SEC24A: variants seen among roughly 807,000 people sequenced by gnomAD.
The protein encoded by SEC24A is SEC24 homolog A, COPII component, also known as protein transport protein Sec24A.
A neutral mutation model predicts 129.4 loss-of-function variants in SEC24A; 93 were observed. That is an observed-to-expected ratio of 0.72 (90% confidence interval 0.61 to 0.85). The LOEUF (loss-of-function observed/expected upper bound fraction) is 0.85, where lower values mean the gene tolerates loss of function less well. Among genes scored for constraint, SEC24A ranks in the 40% least tolerant of loss-of-function variants. SEC24A has a pLI of 0.00. For synonymous variants in SEC24A, 460 were observed against 467.3 expected, an observed-to-expected ratio of 0.98 and a Z score of 0.20; for missense variants, 1,264 against 1,307.4, an observed-to-expected ratio of 0.97 and a Z score of 0.51.
In SEC24A at chr5:134,666,895, C is replaced by T. The variant is rs753616652; in HGVS notation, c.638C>T (p.Pro213Leu). 3 of 1,614,014 alleles carry T rather than the reference C, an allele frequency of 1.9e-6. No homozygotes were observed. The highest frequency in any genetic ancestry group is 2.5e-6 in the Non-Finnish European group (3 of 1,179,898). ...CAACCAGGAGCTCCTCATGGGCCCCCTCCAGCTGGAGGCCCACCCCCAGTG... is the reference window on the plus strand; with the variant it reads ...CAACCAGGAGCTCCTCATGGGCCCCTTCCAGCTGGAGGCCCACCCCCAGTG... ...TFQPGAPHGP[P>L]PAGGPPPVRA... The change falls in exon 3 of 23, where the codon CCT (proline) becomes CTT (leucine). Residue 213 changes from proline (P) to leucine (L), a missense_variant. By Grantham distance (98) the Pro-to-Leu change is moderately conservative. Transcript: ENST00000398844.
intron 1 of SEC24A, among the ~76,000 whole-genome samples, chr5:134,651,460 A>G (rs1211903613): frequency 2.7e-5 from 4 of 150,504 alleles, no homozygotes; most frequent in African/African-American, 9.7e-5. Context: ...ACAACCGGCT[A>G]ATTTTTGTAT....
At chr5:134,668,402 A>G (rs1171342585) in intron 3 of SEC24A, among the ~76,000 whole-genome samples, 1 of 152,122 alleles carries the variant, frequency 6.6e-6, no homozygotes, top group Non-Finnish European at 1.5e-5. Context: ...CAGCCTGACC[A>G]AGGTGGTGAA....
chr5:134,705,605 TTTTG>T (rs1023983660), intron 17 of SEC24A, among the ~76,000 whole-genome samples, 168 bp downstream of exon 17: 72 of 152,200 alleles, frequency 4.7e-4, no homozygotes, highest in African/African-American at 1.5e-3. Flanking sequence ...ATCTTATCTT[TTTTG>T]TTTGTTTATT....
intron 18 of SEC24A, among the ~76,000 whole-genome samples, chr5:134,713,900 G>GGT (rs1466498920): frequency 6.6e-6 from 1 of 151,652 alleles, no homozygotes; most frequent in Non-Finnish European, 1.5e-5. Flanking sequence ...AAATTAGCCG[G>GGT]GTGTGGTGTC....
Position 134,693,775 on chromosome 5 carries a change from C to G in SEC24A, c.1828C>G (p.Leu610Val), listed in dbSNP as rs773069683. ...TTTGCCACAAATGTTTACCAAGACTCTGGAGACCCAGAGTGCCTTGGGTCC... is the reference window on the plus strand; with the variant it reads ...TTTGCCACAAATGTTTACCAAGACTGTGGAGACCCAGAGTGCCTTGGGTCC... ...KTLPQMFTKTLETQSALGPAL... is the reference protein window; with the variant it reads ...KTLPQMFTKTVETQSALGPAL... The change falls in exon 13 of 23, where the codon CTG becomes GTG. Residue 610 changes from leucine (L) to valine (V), a missense_variant. Physicochemically the swap from Leu to Val is conservative, Grantham distance 32. Coordinates refer to ENST00000398844, the MANE Select transcript of SEC24A (RefSeq NM_021982.3). 5 of 1,614,198 alleles carry G rather than the reference C, an allele frequency of 3.1e-6. No homozygotes were observed. The highest frequency in any genetic ancestry group is 3.4e-6 in the Non-Finnish European group (4 of 1,180,036).
At chr5:134,706,256 A>G (rs150137874) in intron 17 of SEC24A, among the ~76,000 whole-genome samples, 183 of 152,300 alleles carry the variant, frequency 1.2e-3, no homozygotes, top group African/African-American at 4.1e-3. Flanking sequence ...AGTGTACCAT[A>G]AAGATCATTA....
At chr5:134,707,331 A>AT (rs1580732265) in intron 17 of SEC24A, among the ~76,000 whole-genome samples, 1 of 150,818 alleles carries the variant, frequency 6.6e-6, no homozygotes, top group South Asian at 2.1e-4. Flanking sequence ...TATTTTATTT[A>AT]TTTATTTTTT....
At chr5:134,669,105 C>T (rs1750766308) in intron 3 of SEC24A, among the ~76,000 whole-genome samples, 1 of 151,570 alleles carries the variant, frequency 6.6e-6, no homozygotes, top group Non-Finnish European at 1.5e-5. Flanking sequence ...GAGGCATTGT[C>T]TCATTGGTTG....
chr5:134,652,028 TCTC>T (rs1750073737), intron 1 of SEC24A, among the ~76,000 whole-genome samples: 1 of 151,432 alleles, frequency 6.6e-6, no homozygotes, highest in African/African-American at 2.4e-5. Flanking sequence ...TTCAAGCAAT[TCTC>T]CTGCCTCAGC....
chr5:134,671,634 T>TTACTTGA (rs770617062), intron 3 of SEC24A, among the ~76,000 whole-genome samples, 175 bp from the exon 4 acceptor site: 2 of 152,224 alleles, frequency 1.3e-5, no homozygotes, highest in Non-Finnish European at 2.9e-5. Context: ...TGCAGCTAAA[T>TTACTTGA]TACTTGAAAC....
intron 1 of SEC24A, among the ~76,000 whole-genome samples, chr5:134,660,540 G>C (rs978207152): frequency 6.6e-6 from 1 of 150,428 alleles, no homozygotes; most frequent in Non-Finnish European, 1.5e-5. Context: ...AGACATCTCT[G>C]TATTCCCTCT....
At chr5:134,691,105 G>A (rs1238902165) in intron 11 of SEC24A, among the ~76,000 whole-genome samples, 9 of 151,478 alleles carry the variant, frequency 5.9e-5, no homozygotes, top group Non-Finnish European at 1.2e-4. Context: ...TGCCCACCTC[G>A]GCCTCCCAAA....
intron 21 of SEC24A, among the ~76,000 whole-genome samples, chr5:134,722,039 G>A (rs888169099): frequency 1.3e-5 from 2 of 152,172 alleles, no homozygotes; most frequent in African/African-American, 4.8e-5. Context: ...AATTCTTGAC[G>A]TCATGCTAAA....
rs1029110822 is a variant in SEC24A, at chr5:134,679,526, A to C, written c.1255-76A>C. On this transcript the variant is annotated intron_variant, in intron 7 of 22. Coordinates refer to ENST00000398844, the MANE Select transcript of SEC24A (RefSeq NM_021982.3). The stretch of plus-strand genomic sequence containing the variant: ...ATAATATCCCAACAGTTATTTAGAC[A>C]GGATGGATTCATGCTTATGTTTTCA... The C allele has an allele frequency of 4.7e-5, 48 of 1,014,956 alleles. No homozygotes were observed. In the African/African-American group the frequency reaches 6.6e-4, roughly 14 times the overall value. 62.9% of individuals were successfully genotyped at this position (1,014,956 alleles called of 1,614,324 possible). A position where few individuals can be genotyped will look rare whatever the true frequency, so the allele number is the denominator to read the frequency against.
intron 1 of SEC24A, among the ~76,000 whole-genome samples, chr5:134,657,188 A>G (rs1750279857): frequency 2.7e-5 from 4 of 150,906 alleles, no homozygotes; most frequent in Admixed American, 6.6e-5. Context: ...AAACGCACAC[A>G]CACACACACA....
At chr5:134,687,335 A>T (rs1751487682) in intron 10 of SEC24A, among the ~76,000 whole-genome samples, 1 of 152,174 alleles carries the variant, frequency 6.6e-6, no homozygotes, top group South Asian at 2.1e-4. Flanking sequence ...TACCTAGTTT[A>T]TTTTTTGTTC....
chr5:134,688,195 C>T lies in SEC24A; in HGVS notation c.1619C>T (p.Thr540Ile), dbSNP rs1473490926. 1 of 1,609,928 alleles carries T rather than the reference C, an allele frequency of 6.2e-7. No homozygotes were observed. The highest frequency in any genetic ancestry group is 8.5e-7 in the Non-Finnish European group (1 of 1,176,510). Residue 540 changes from threonine to isoleucine, a missense_variant, in exon 11 of 23, where the codon ACT (threonine) becomes ATT (isoleucine). Transcript: ENST00000398844. ...LDNLDLLPGNTRTKIGFITFD... is the reference protein window; with the variant it reads ...LDNLDLLPGNIRTKIGFITFD... ...TTTGTTTTTAGGCTTCCTGGCAACACTAGAACAAAAATTGGCTTCATAACA... is the reference window on the plus strand; with the variant it reads ...TTTGTTTTTAGGCTTCCTGGCAACATTAGAACAAAAATTGGCTTCATAACA...
At chr5:134,698,878 C>G (rs1751915566) in intron 15 of SEC24A, among the ~76,000 whole-genome samples, 1 of 151,884 alleles carries the variant, frequency 6.6e-6, no homozygotes, top group African/African-American at 2.4e-5. Context: ...GATGATCTGC[C>G]CACCTCAGCC....
intron 1 of SEC24A, among the ~76,000 whole-genome samples, chr5:134,649,801 A>G (rs1276018159): frequency 6.6e-6 from 1 of 152,224 alleles, no homozygotes; most frequent in African/African-American, 2.4e-5. Context: ...AATCTCTGAC[A>G]AGAGTCTACA....
Sources: gnomAD v4.1 joint callset for allele counts (sites outside exome capture counted in the v4.1 genomes callset) on GRCh38, gnomAD v4.1.1 for gene constraint, MANE v1.5 for transcripts, NCBI Gene and HGNC (gene_info 2026-07-23, HGNC 2026-07-21) for gene names.